SYNE1: variants seen among roughly 807,000 people sequenced by gnomAD.
SYNE1 encodes the protein spectrin repeat containing nuclear envelope protein 1.
In SYNE1, 616 loss-of-function variants were observed where a neutral mutation model predicts 1,111.0. The observed-to-expected ratio is 0.55, with a 90% CI of 0.52 to 0.59. SYNE1 has a LOEUF of 0.59. Among genes scored for constraint, SYNE1 ranks in the 20% least tolerant of loss-of-function variants. The pLI is 0.00. For missense variants in SYNE1, 10,006 were observed against 10,417.0 expected (o/e 0.96, Z 1.72); for synonymous variants, 3,855 against 3,825.8 (o/e 1.01, Z -0.28).
At chr6:152,365,102 A>T in intron 62 of SYNE1, 83 bp from the exon 63 acceptor site, 1 of 1,550,426 alleles carries the variant, frequency 6.4e-7, no homozygotes, top group Non-Finnish European at 8.9e-7. Flanking sequence ...CCTAAAGATC[A>T]CAGAATAATA....
chr6:152,440,460 T>C (rs2098518411), intron 32 of SYNE1, among the ~76,000 whole-genome samples: 1 of 152,170 alleles, frequency 6.6e-6, no homozygotes, highest in Non-Finnish European at 1.5e-5. Flanking sequence ...AGAACACTTG[T>C]ATGCTCTATG....
chr6:152,558,937 A>G (rs2099384668), intron 3 of SYNE1, among the ~76,000 whole-genome samples: 1 of 152,000 alleles, frequency 6.6e-6, no homozygotes, highest in African/African-American at 2.4e-5. Context: ...ATAATATATT[A>G]ATATATTAGA....
chr6:152,287,558 C>T (rs1203146530), intron 95 of SYNE1, among the ~76,000 whole-genome samples: 2 of 151,970 alleles, frequency 1.3e-5, no homozygotes, highest in Admixed American at 6.6e-5. Context: ...ATTATTATTA[C>T]TATTTTTGAG....
At chr6:152,247,750 T>TATATATATAC (rs1432898834) in intron 105 of SYNE1, among the ~76,000 whole-genome samples, 14 of 112,366 alleles carry the variant, frequency 1.2e-4, no homozygotes, top group East Asian at 2.6e-4. Context: ...TATATATATA[T>TATATATATAC]ACACACACAC....
intron 138 of SYNE1, among the ~76,000 whole-genome samples, chr6:152,142,531 T>G (rs1427709681): frequency 6.6e-6 from 1 of 152,228 alleles, no homozygotes; most frequent in Non-Finnish European, 1.5e-5. Flanking sequence ...ACATACAGTA[T>G]TCAAAGATTA....
At chr6:152,345,496 T>A (rs913145845) in intron 73 of SYNE1, among the ~76,000 whole-genome samples, 15 of 152,200 alleles carry the variant, frequency 9.9e-5, no homozygotes, top group African/African-American at 1.7e-4. Context: ...CAGAATTTTT[T>A]TTATTATTAT....
At chr6:152,168,159 T>C (rs998147) in intron 130 of SYNE1, 642,734 of 776,914 alleles carry the variant, frequency 0.83, 266,986 homozygotes, top group African/African-American at 0.94. Context: ...TCCACACAGC[T>C]GTCCTCTGCC....
chr6:152,169,136 T>C (rs942814064), intron 130 of SYNE1, among the ~76,000 whole-genome samples: 1 of 152,078 alleles, frequency 6.6e-6, no homozygotes, highest in African/African-American at 2.4e-5. Flanking sequence ...AAATATTAAA[T>C]AAATAATGAA....
At chr6:152,231,599 C>G in intron 113 of SYNE1, 32 bp from the exon 114 acceptor site, 1 of 1,603,690 alleles carries the variant, frequency 6.2e-7, no homozygotes, top group Non-Finnish European at 8.5e-7. Flanking sequence ...TAAGATTATA[C>G]AATAAATGTC....
intron 3 of SYNE1, among the ~76,000 whole-genome samples, chr6:152,564,790 G>T (rs369587751): frequency 6.6e-6 from 1 of 152,084 alleles, no homozygotes; most frequent in Non-Finnish European, 1.5e-5. Context: ...CAACAGATCC[G>T]ACTCGGGATC....
chr6:152,136,699 C>A lies in SYNE1; in HGVS notation c.25578G>T (p.Gln8526His). The A allele has an allele frequency of 6.2e-7, 1 of 1,614,240 alleles. No homozygotes were observed. Among genetic ancestry groups the A allele is most frequent in the South Asian group, 1.1e-5 (1 of 91,082 alleles). Residue 8526 changes from glutamine (Q) to histidine (H), a missense_variant, in exon 141 of 146, where the codon CAG becomes CAT. Gln to His is a conservative substitution (Grantham distance 24). This residue lies in a region of SYNE1 where 761 missense variants were observed against 795.5 expected (regional missense o/e 0.96). Transcript: ENST00000367255. ...ESRDLQDRLS[Q>H]MNGRWDRVCS... ...ACACTCGGTCCCAGCGCCCATTCAT[C>A]TGCGACAAGCGATCCTGCAGGTCCC...
At chr6:152,570,014 T>G (rs1470055579) in intron 3 of SYNE1, among the ~76,000 whole-genome samples, 1 of 152,214 alleles carries the variant, frequency 6.6e-6, no homozygotes, top group Non-Finnish European at 1.5e-5. Context: ...CAATTTAGTT[T>G]ACAATTTAGT....
At position 152,457,373 on chromosome 6, in the gene SYNE1, C is replaced by T. The variant is rs534606927; in HGVS notation, c.2569-1329G>A. Among the ~76,000 whole-genome samples the T allele has an allele frequency of 6.6e-5, 10 of 152,290 alleles. No homozygotes were observed. The East Asian group carries it at 1.3e-3, about 21-fold the overall frequency. On this transcript the variant is annotated intron_variant, in intron 22 of 145. Transcript: ENST00000367255. The stretch of plus-strand genomic sequence containing the variant: ...CTGTCAGACTCATTTCAGACACTCT[C>T]GGCTCTTTCTACTAATGATGCTACC...
intron 138 of SYNE1, 127 bp downstream of exon 138, chr6:152,143,496 G>A (rs980582135): frequency 3.6e-6 from 5 of 1,386,034 alleles, no homozygotes; most frequent in Non-Finnish European, 5.1e-6. Flanking sequence ...GCACATCCAG[G>A]TTCACGAGTT....
chr6:152,261,551 TC>T (rs1488714960), intron 101 of SYNE1, among the ~76,000 whole-genome samples: 1 of 152,168 alleles, frequency 6.6e-6, no homozygotes, highest in African/African-American at 2.4e-5. Flanking sequence ...TGGCTTCACT[TC>T]CCTGCCCTAG....
Position 152,391,482 on chromosome 6 carries a change from T to G in SYNE1, c.7799A>C (p.Gln2600Pro). The change falls in exon 52 of 146, where the codon CAG becomes CCG. Residue 2600 changes from glutamine (Q) to proline (P), a missense_variant. Coordinates refer to ENST00000367255, the MANE Select transcript of SYNE1 (RefSeq NM_182961.4). ...TAGGTTCTGGTGGCTTGTGAGGAGC[T>G]GGGAACACAGGCGGCCCTCCTGCCC... ...GAGQEGRLCS[Q>P]LLTSHQNLLR... The G allele has an allele frequency of 6.2e-7, 1 of 1,609,514 alleles. No homozygotes were observed. Among genetic ancestry groups the G allele is most frequent in the South Asian group, 1.1e-5 (1 of 90,942 alleles).
chr6:152,269,778 C>G (rs2093049702), intron 98 of SYNE1, among the ~76,000 whole-genome samples: 1 of 152,068 alleles, frequency 6.6e-6, no homozygotes, highest in Non-Finnish European at 1.5e-5. Context: ...AAAAATTTTT[C>G]TAAAAGATTA....
At chr6:152,437,084 G>C (rs777352801) in intron 32 of SYNE1, among the ~76,000 whole-genome samples, 2 of 152,048 alleles carry the variant, frequency 1.3e-5, no homozygotes, top group Non-Finnish European at 2.9e-5. Context: ...AGAGGAGATA[G>C]AGGCTGCAGT....
chr6:152,548,379 A>G (rs2099324919), intron 3 of SYNE1, among the ~76,000 whole-genome samples: 1 of 152,216 alleles, frequency 6.6e-6, no homozygotes. Context: ...CGAACTGGCC[A>G]CGTGTGGCTC....
Sources: gnomAD v4.1 joint callset for allele counts (sites outside exome capture counted in the v4.1 genomes callset) on GRCh38, gnomAD v4.1.1 for gene constraint, gnomAD v4.1.1 regional missense constraint, MANE v1.5 for transcripts, NCBI Gene and HGNC (gene_info 2026-07-23, HGNC 2026-07-21) for gene names.